NTMT2: variants seen among roughly 807,000 people sequenced by gnomAD.
NTMT2 encodes X-Pro-Lys N-terminal protein methyltransferase 1B.
In NTMT2, 21 loss-of-function variants were observed where a neutral mutation model predicts 23.4. That is an observed-to-expected ratio of 0.90 (90% CI 0.64 to 1.29). The LOEUF is 1.29. NTMT2 is among the 50% of genes most tolerant of loss of function. NTMT2 has a pLI of 0.00. For synonymous variants in NTMT2, 131 were observed against 127.7 expected (o/e 1.03, Z -0.17); for missense variants, 336 against 352.0 (o/e 0.95, Z 0.36).
At chr1:170,158,749 A>G (rs1312025027) in intron 1 of NTMT2, among the ~76,000 whole-genome samples, 2 of 151,846 alleles carry the variant, frequency 1.3e-5, no homozygotes, top group Admixed American at 6.6e-5. Context: ...TTGCATATCT[A>G]TCTTTTTGTT....
chr1:170,166,569 A>C lies in NTMT2; in HGVS notation c.398A>C (p.His133Pro). 1 of 1,552,214 alleles carries C rather than the reference A, an allele frequency of 6.4e-7. No individual in the cohort carries two copies. The highest frequency in any genetic ancestry group is 8.7e-7 in the Non-Finnish European group (1 of 1,147,106). ...TCCGGGATAGGAAGGGTCAGCAAAC[A>C]CGTCTTATTGCCTGTTTTCAACAGT... is the stretch of plus-strand genomic sequence containing the variant. Reference protein sequence around the residue: ...CGSGIGRVSKHVLLPVFNSVE... With the variant: ...CGSGIGRVSKPVLLPVFNSVE... Residue 133 changes from histidine to proline, a missense_variant, in exon 3 of 4, where the codon CAC (histidine) becomes CCC (proline). Transcript: ENST00000439373.
At chr1:170,155,999 A>C (rs2102234846) in intron 1 of NTMT2, among the ~76,000 whole-genome samples, 1 of 152,250 alleles carries the variant, frequency 6.6e-6, no homozygotes, top group African/African-American at 2.4e-5. Flanking sequence ...TCAGAAGTTG[A>C]GACCTTAAGC....
intron 1 of NTMT2, among the ~76,000 whole-genome samples, chr1:170,152,417 G>A (rs1029254265): frequency 1.1e-4 from 16 of 152,188 alleles, no homozygotes; most frequent in African/African-American, 2.4e-4. Flanking sequence ...GACACTCAGC[G>A]AGTAGGTAGG....
chr1:170,163,036 G>A (rs995515498), intron 2 of NTMT2, among the ~76,000 whole-genome samples: 1 of 152,126 alleles, frequency 6.6e-6, no homozygotes, highest in African/African-American at 2.4e-5. Context: ...CACTCCGTGT[G>A]GAATGCCAAG....
intron 1 of NTMT2, among the ~76,000 whole-genome samples, chr1:170,149,452 C>T (rs1019883214): frequency 1.3e-5 from 2 of 152,118 alleles, no homozygotes; most frequent in Non-Finnish European, 2.9e-5. Flanking sequence ...AATGCAATTG[C>T]GTGTATTAGT....
intron 1 of NTMT2, among the ~76,000 whole-genome samples, chr1:170,147,437 A>G (rs1021644353): frequency 1.3e-5 from 2 of 152,166 alleles, no homozygotes; most frequent in Non-Finnish European, 2.9e-5. Flanking sequence ...ATCTAGATAG[A>G]GTAATATGAA....
intron 3 of NTMT2, among the ~76,000 whole-genome samples, chr1:170,167,169 C>A (rs371690911): frequency 1.3e-5 from 2 of 152,210 alleles, no homozygotes; most frequent in African/African-American, 4.8e-5. Flanking sequence ...GTGTGTGAGA[C>A]ACAAAGAAGT....
Position 170,166,539 on chromosome 1 carries a change from G to T in NTMT2, c.368G>T (p.Cys123Phe). 1 of 1,552,314 alleles carries T rather than the reference G, an allele frequency of 6.4e-7. No individual in the cohort carries two copies. Residue 123 changes from cysteine (C) to phenylalanine (F), a missense_variant, in exon 3 of 4, where the codon TGC becomes TTC. Physicochemically the swap from Cys to Phe is radical, Grantham distance 205. Transcript: ENST00000439373. The part of the protein sequence containing the change: ...GRAGTDCALD[C>F]GSGIGRVSKH... Reference sequence around the variant, plus strand: ...GCTGGAACAGACTGCGCCTTGGACTGCGGCTCCGGGATAGGAAGGGTCAGC... The same window carrying T: ...GCTGGAACAGACTGCGCCTTGGACTTCGGCTCCGGGATAGGAAGGGTCAGC...
intron 2 of NTMT2, among the ~76,000 whole-genome samples, chr1:170,164,716 C>T (rs1305984106): frequency 6.6e-6 from 1 of 152,176 alleles, no homozygotes; most frequent in Non-Finnish European, 1.5e-5. Context: ...CCAAGGGAAT[C>T]AGAGGTGACA....
chr1:170,152,917 T>G (rs1406269375), intron 1 of NTMT2, among the ~76,000 whole-genome samples: 1 of 152,106 alleles, frequency 6.6e-6, no homozygotes, highest in Non-Finnish European at 1.5e-5. Flanking sequence ...GTGTTGGAGG[T>G]GGGGCCAGGT....
Position 170,167,571 on chromosome 1 carries a change from C to A in NTMT2, c.666C>A (p.Asp222Glu). Residue 222 changes from aspartate to glutamate, a missense_variant, in exon 4 of 4, where the codon GAC becomes GAA. By Grantham distance (45) the Asp-to-Glu change is conservative. Transcript: ENST00000439373. Reference protein sequence around the residue: ...LKENGIIILKDNVAREGCILD... With the variant: ...LKENGIIILKENVAREGCILD... ...AAAATGGCATCATCATATTGAAGGA[C>A]AATGTGGCCCGGGAGGGCTGTATCC... The A allele has an allele frequency of 6.4e-7, 1 of 1,551,686 alleles. No homozygotes were observed. The highest frequency in any genetic ancestry group is 8.7e-7 in the Non-Finnish European group (1 of 1,146,990).
intron 1 of NTMT2, among the ~76,000 whole-genome samples, chr1:170,150,142 A>G (rs1409298813): frequency 6.6e-6 from 1 of 151,950 alleles, no homozygotes; most frequent in East Asian, 1.9e-4. Flanking sequence ...GGCTAACCAG[A>G]CTCTTTGATT....
At chr1:170,158,367 A>T (rs1673205025) in intron 1 of NTMT2, among the ~76,000 whole-genome samples, 1 of 152,104 alleles carries the variant, frequency 6.6e-6, no homozygotes. Flanking sequence ...TATTTCAGGC[A>T]TACTCATACC....
intron 1 of NTMT2, among the ~76,000 whole-genome samples, chr1:170,152,129 G>T (rs1451873891): frequency 6.6e-6 from 1 of 152,106 alleles, no homozygotes; most frequent in Non-Finnish European, 1.5e-5. Flanking sequence ...CAAGAAGTTA[G>T]CATAACATTA....
chr1:170,156,877 C>T (rs1415033430), intron 1 of NTMT2, among the ~76,000 whole-genome samples: 1 of 152,090 alleles, frequency 6.6e-6, no homozygotes, highest in Non-Finnish European at 1.5e-5. Flanking sequence ...TGGACCATTC[C>T]TATTTCTAGA....
At chr1:170,162,565 G>C (rs573140769) in intron 2 of NTMT2, among the ~76,000 whole-genome samples, 1 of 152,360 alleles carries the variant, frequency 6.6e-6, no homozygotes, top group African/African-American at 2.4e-5. Flanking sequence ...CAGTGCTGCT[G>C]ACTGGTTTCA....
chr1:170,156,316 G>A (rs1490942663), intron 1 of NTMT2, among the ~76,000 whole-genome samples: 1 of 152,098 alleles, frequency 6.6e-6, no homozygotes, highest in Non-Finnish European at 1.5e-5. Context: ...TTTCCTGAAT[G>A]TTGTACTGGG....
chr1:170,166,710 C>G lies in NTMT2; in HGVS notation c.539C>G (p.Pro180Arg), dbSNP rs966175028. The G allele has an allele frequency of 1.9e-5, 30 of 1,552,318 alleles. No individual in the cohort carries two copies. Among genetic ancestry groups the G allele is most frequent in the African/African-American group, 2.7e-5 (2 of 73,132 alleles). ...HCYSLQEFTP[P>R]FRRYDVIWIQ... Reference sequence around the variant, plus strand: ...TACAGCCTGCAGGAATTCACACCCCCCTTCAGGAGATATGATGTCATCTGG... The same window carrying G: ...TACAGCCTGCAGGAATTCACACCCCGCTTCAGGAGATATGATGTCATCTGG... The change falls in exon 3 of 4, where the codon CCC becomes CGC. Residue 180 changes from proline to arginine, a missense_variant. Pro to Arg is a moderately radical substitution (Grantham distance 103). Coordinates refer to ENST00000439373, the MANE Select transcript of NTMT2 (RefSeq NM_001136107.2).
chr1:170,163,130 T>C (rs1673306353), intron 2 of NTMT2, among the ~76,000 whole-genome samples: 1 of 152,206 alleles, frequency 6.6e-6, no homozygotes, highest in South Asian at 2.1e-4. Flanking sequence ...CTAGCATATT[T>C]ATGTTGGAAA....
Sources: allele counts gnomAD v4.1 joint callset (sites outside exome capture counted in the v4.1 genomes callset), GRCh38; gene constraint gnomAD v4.1.1; transcripts MANE v1.5; gene names NCBI Gene and HGNC (gene_info 2026-07-23, HGNC 2026-07-21).